MAPK6: variants seen among roughly 807,000 people sequenced by gnomAD.
MAPK6 encodes mitogen-activated protein kinase 6.
A neutral mutation model predicts 59.3 loss-of-function variants in MAPK6; 19 were observed. The observed-to-expected ratio is 0.32, with a 90% confidence interval of 0.22 to 0.47. The LOEUF is 0.47. Among genes scored for constraint, MAPK6 ranks in the 20% least tolerant of loss-of-function variants. The pLI is 1.00. For synonymous variants in MAPK6, 316 were observed against 290.3 expected (o/e 1.09, Z -0.90); for missense variants, 724 against 847.9 (o/e 0.85, Z 1.81).
intron 1 of MAPK6, among the ~76,000 whole-genome samples, chr15:51,975,369 C>T (rs539441051): frequency 2.6e-5 from 4 of 151,590 alleles, no homozygotes; most frequent in Non-Finnish European, 5.9e-5. Flanking sequence ...GGTGAAACCT[C>T]GTCTCTACTA....
chr15:52,043,136 A>C (rs1258525077), intron 1 of MAPK6, among the ~76,000 whole-genome samples: 1 of 152,072 alleles, frequency 6.6e-6, no homozygotes. Context: ...TGTCTCAAAA[A>C]ACAAACAAAC....
At chr15:52,004,886 C>T (rs1046876176) in intron 3 of MAPK6, among the ~76,000 whole-genome samples, 2 of 152,138 alleles carry the variant, frequency 1.3e-5, no homozygotes, top group African/African-American at 4.8e-5. Context: ...CATAGCAACC[C>T]CACTCTGGAT....
intron 2 of MAPK6, among the ~76,000 whole-genome samples, chr15:51,988,117 AT>A (rs1341634021): frequency 1.3e-5 from 2 of 152,056 alleles, no homozygotes; most frequent in Admixed American, 6.6e-5. Context: ...GTTTATGTTT[AT>A]TTTTTATGTT....
At chr15:52,016,097 C>CACACACAT (rs2030254840), upstream of MAPK6, among the ~76,000 whole-genome samples, 1 of 143,530 alleles carries the variant, frequency 7.0e-6, no homozygotes, top group Admixed American at 7.0e-5. Context: ...CACACACACA[C>CACACACAT]ACACACACAC....
chr15:52,025,748 A>G (rs981364527), intron 1 of MAPK6, among the ~76,000 whole-genome samples: 1 of 152,072 alleles, frequency 6.6e-6, no homozygotes, highest in Non-Finnish European at 1.5e-5. Context: ...AGTGAGCGCC[A>G]CTGCACTCCA....
intron 3 of MAPK6, among the ~76,000 whole-genome samples, chr15:52,057,927 G>A (rs1235442298): frequency 3.3e-5 from 5 of 152,158 alleles, no homozygotes; most frequent in Non-Finnish European, 7.3e-5. Context: ...GCAGGCACTT[G>A]GTCTGTTTTG....
chr15:52,031,251 A>G (rs997684997), intron 1 of MAPK6, among the ~76,000 whole-genome samples: 1 of 152,176 alleles, frequency 6.6e-6, no homozygotes, highest in African/African-American at 2.4e-5. Context: ...GTCTTTGTCT[A>G]TAGGAAATAT....
At position 52,064,217 on chromosome 15, in the gene MAPK6, G is replaced by C; in HGVS notation, c.1383G>C (p.Glu461Asp). 1.9e-6 allele frequency: 3 copies of C among 1,611,400 alleles called. No individual in the cohort carries two copies. The highest frequency in any genetic ancestry group is 2.5e-6 in the Non-Finnish European group (3 of 1,179,386). The part of the protein sequence containing the change: ...SSYLDNLVWR[E>D]SEVNHYYEPK... ...ATTTAGATAACTTAGTTTGGAGAGA[G>C]AGTGAAGTTAACCATTACTATGAAC... The change falls in exon 6 of 6, where the codon GAG becomes GAC. Residue 461 changes from glutamate to aspartate, a missense_variant. By Grantham distance (45) the Glu-to-Asp change is conservative (BLOSUM62 2). Around this residue, in one of 4 missense-constraint regions of MAPK6, gnomAD observed 502 missense variants for 507.6 expected, o/e 0.99. Coordinates refer to ENST00000261845, the MANE Select transcript of MAPK6 (RefSeq NM_002748.4).
intron 1 of MAPK6, among the ~76,000 whole-genome samples, chr15:51,978,709 A>G (rs1427326550): frequency 6.6e-6 from 1 of 151,832 alleles, no homozygotes; most frequent in African/African-American, 2.4e-5. Flanking sequence ...AAACAATTTC[A>G]GAGATTTTTG....
chr15:52,017,392 G>C (rs1409538677), upstream of MAPK6: 1 of 152,146 alleles, frequency 6.6e-6, no homozygotes. Context: ...AGATTATAAA[G>C]AACCTTCTTA....
chr15:52,032,864 A>G lies in MAPK6; in HGVS notation c.-631-12966A>G, dbSNP rs191178070. ...CACACCCAGCTAATTCTGTATTTTT[A>G]GTAGAGATAGGGGTTTCTCCATGTT... On this transcript the variant is annotated intron_variant, in intron 1 of 5. Transcript: ENST00000261845. Among the ~76,000 whole-genome samples, 5 of 151,976 alleles carry G rather than the reference A, an allele frequency of 3.3e-5. No homozygotes were observed. In the East Asian group the frequency reaches 9.8e-4, roughly 30 times the overall value.
chr15:51,988,673 A>G (rs2057198582), intron 2 of MAPK6, among the ~76,000 whole-genome samples: 1 of 152,004 alleles, frequency 6.6e-6, no homozygotes, highest in Non-Finnish European at 1.5e-5. Flanking sequence ...CAGAGGTTGC[A>G]ATGAGCCAAG....
intron 5 of MAPK6, among the ~76,000 whole-genome samples, chr15:52,063,299 G>A (rs1004724290): frequency 6.6e-6 from 1 of 152,218 alleles, no homozygotes; most frequent in African/African-American, 2.4e-5. Context: ...CTGACCTCAA[G>A]TGATCCATCC....
intron 2 of MAPK6, among the ~76,000 whole-genome samples, chr15:51,989,269 G>A (rs910245266): frequency 2.0e-4 from 30 of 151,692 alleles, no homozygotes; most frequent in African/African-American, 6.3e-4. Flanking sequence ...TGTAGAGACC[G>A]GATTTCAACA....
intron 2 of MAPK6, among the ~76,000 whole-genome samples, chr15:51,997,911 TTTTC>T (rs991701687): frequency 6.9e-6 from 1 of 145,016 alleles, no homozygotes; most frequent in South Asian, 2.1e-4. Context: ...ATTTTCTTTC[TTTTC>T]TTTCTTTCTC....
intron 3 of MAPK6, among the ~76,000 whole-genome samples, chr15:52,007,210 G>A (rs2029916197): frequency 6.6e-6 from 1 of 152,096 alleles, no homozygotes; most frequent in Admixed American, 6.6e-5. Context: ...GGCAGCCTTG[G>A]ACACTTACCC....
chr15:52,036,792 C>T (rs1357825419), intron 1 of MAPK6, among the ~76,000 whole-genome samples: 1 of 152,032 alleles, frequency 6.6e-6, no homozygotes, highest in Non-Finnish European at 1.5e-5. Context: ...TTCCTTCCTT[C>T]CTTTTTCTTT....
chr15:52,053,337 A>T (rs2031846710), intron 3 of MAPK6, among the ~76,000 whole-genome samples: 1 of 152,024 alleles, frequency 6.6e-6, no homozygotes, highest in African/African-American at 2.4e-5. Context: ...TGGCCTCCCA[A>T]AGTGCAAGGA....
intron 3 of MAPK6, chr15:52,010,904 T>A (rs2030037815): frequency 2.0e-5 from 3 of 152,356 alleles, no homozygotes; most frequent in Admixed American, 2.0e-4. Flanking sequence ...CCAAAAATCA[T>A]TCGTGTGATC....
Sources: gnomAD v4.1 joint callset for allele counts (sites outside exome capture counted in the v4.1 genomes callset) on GRCh38, gnomAD v4.1.1 for gene constraint, gnomAD v4.1.1 regional missense constraint, MANE v1.5 for transcripts, NCBI Gene and HGNC (gene_info 2026-07-23, HGNC 2026-07-21) for gene names.